The following CNTROB variants were observed in gnomAD, a reference collection of about 807,000 sequenced individuals.
The protein encoded by CNTROB is centrobin.
A neutral mutation model predicts 115.7 loss-of-function variants in CNTROB; 82 were observed. The observed-to-expected ratio is 0.71, with a 90% CI of 0.59 to 0.85. The LOEUF is 0.85. Among genes scored for constraint, CNTROB ranks in the 40% least tolerant of loss-of-function variants. The pLI, the probability that CNTROB is intolerant of heterozygous loss-of-function variation, is 0.00. For missense variants in CNTROB, 1,014 were observed against 1,144.4 expected, an observed-to-expected ratio of 0.89 and a Z score of 1.64; for synonymous variants, 439 against 456.4, an observed-to-expected ratio of 0.96 and a Z score of 0.49.
At position 7,944,194 on chromosome 17, in the gene CNTROB, A is replaced by G; in HGVS notation, c.1517A>G (p.Glu506Gly). 1 of 1,613,466 alleles carries G rather than the reference A, an allele frequency of 6.2e-7. No individual in the cohort carries two copies. Among genetic ancestry groups the G allele is most frequent in the East Asian group, 2.2e-5 (1 of 44,862 alleles). ...LASQLAQFKV[E>G]MAEREERQQQ... ...AGTCAGCTAGCTCAGTTCAAGGTGG[A>G]AATGGCAGAACGAGAGGAACGGCAA... Residue 506 changes from glutamate to glycine, a missense_variant, in exon 11 of 19, where the codon GAA (glutamate) becomes GGA (glycine). Coordinates refer to ENST00000563694, the MANE Select transcript of CNTROB (RefSeq NM_053051.5). This position sits in a 1 kb window ranked among gnomAD's most constrained non-coding sequence, Gnocchi z 4.0.
chr17:7,937,370 C>A, intron 7 of CNTROB, 108 bp downstream of exon 7: 1 of 1,282,098 alleles, frequency 7.8e-7, no homozygotes. Context: ...TGCACCAGAG[C>A]ACTGTTTCCC....
chr17:7,934,514 C>T lies in CNTROB; in HGVS notation c.405C>T (p.Ser135=), dbSNP rs138373791. 1.3e-4 allele frequency: 216 copies of T among 1,614,062 alleles called. No homozygotes were observed. Among genetic ancestry groups the T allele is most frequent in the Non-Finnish European group, 1.8e-4 (211 of 1,180,020 alleles). ...GAGSERREED[S]FDSDSTATLL... is the part of the protein sequence containing the mutation. Reference sequence around the variant, plus strand: ...GCTCAGAGAGACGGGAAGAGGACTCCTTTGACAGTGATAGCACAGCCACCT... The same window carrying T: ...GCTCAGAGAGACGGGAAGAGGACTCTTTTGACAGTGATAGCACAGCCACCT... The change falls in exon 3 of 19, where the codon TCC becomes TCT. Residue 135 remains serine, a synonymous_variant. Coordinates refer to ENST00000563694, the MANE Select transcript of CNTROB (RefSeq NM_053051.5).
rs1188176455 is a variant in CNTROB at position 7,943,546 on chromosome 17, T to G, written c.1445+22T>G. The G allele has an allele frequency of 6.2e-7, 1 of 1,600,872 alleles. No individual in the cohort carries two copies. The highest frequency in any genetic ancestry group is 1.7e-5 in the Admixed American group (1 of 59,280). Reference sequence around the variant, plus strand: ...ACAGGTACGTGGGACTCACTGGGTGTCACTTCTCTCAGCCACAGCACGTAT... The same window carrying G: ...ACAGGTACGTGGGACTCACTGGGTGGCACTTCTCTCAGCCACAGCACGTAT... On this transcript the variant is annotated intron_variant, in intron 10 of 18. Transcript: ENST00000563694. This position sits in a 1 kb window ranked among gnomAD's most constrained non-coding sequence, Gnocchi z 4.7.
chr17:7,948,638 G>C lies in CNTROB; in HGVS notation c.2513+19G>C. The C allele has an allele frequency of 6.2e-7, 1 of 1,614,192 alleles. No individual in the cohort carries two copies. The highest frequency in any genetic ancestry group is 8.5e-7 in the Non-Finnish European group (1 of 1,180,038). On this transcript the variant is annotated intron_variant, in intron 17 of 18. Coordinates refer to ENST00000563694, the MANE Select transcript of CNTROB (RefSeq NM_053051.5). This position sits in a 1 kb window ranked among gnomAD's most constrained non-coding sequence, Gnocchi z 4.4. ...ACAGCGGGTACAAGCCTGGGAGGAA[G>C]GAGGAAGGATTCTCCGGGTGGAAGC... is the stretch of plus-strand genomic sequence containing the variant.
At chr17:7,949,207 C>A in intron 18 of CNTROB, 50 bp downstream of exon 18, 1 of 1,581,672 alleles carries the variant, frequency 6.3e-7, no homozygotes, top group Non-Finnish European at 8.7e-7. Flanking sequence ...TCTCACTGAC[C>A]AGCTCCTTCA....
chr17:7,933,308 C>T lies in CNTROB; in HGVS notation c.229C>T (p.Arg77Ter). The change falls in exon 1 of 19, where the codon CGA becomes TGA. Residue 77 changes from arginine (R) to a stop codon, truncating the protein, a stop_gained. Coordinates refer to ENST00000563694, the MANE Select transcript of CNTROB (RefSeq NM_053051.5). LOFTEE classifies it high-confidence loss of function. ...AGACGGCTTCGCCCAAGAATTGAGT[C>T]GAAGCTTGTCAGTCGGATTGGAAAA... ...GLDGFAQELS[R>*]SLSVGLEKNL... The T allele has an allele frequency of 1.9e-6, 3 of 1,614,008 alleles. No homozygotes were observed. Among genetic ancestry groups the T allele is most frequent in the African/African-American group, 2.7e-5 (2 of 75,020 alleles).
At chr17:7,941,985 G>T (rs1973936593) in intron 9 of CNTROB, among the ~76,000 whole-genome samples, 1 of 143,034 alleles carries the variant, frequency 7.0e-6, no homozygotes, top group Non-Finnish European at 1.5e-5. Flanking sequence ...AGACAGAAAG[G>T]GCCAGGTGTG....
chr17:7,936,574 A>C lies in CNTROB; in HGVS notation c.711+92A>C, dbSNP rs554724484. The stretch of plus-strand genomic sequence containing the variant: ...GTGGCCAACCAATGTTTCTTGGTAC[A>C]TGCTGAGAGCTGGGCAAGGGGTTGG... On this transcript the variant is annotated intron_variant, in intron 5 of 18. Coordinates refer to ENST00000563694, the MANE Select transcript of CNTROB (RefSeq NM_053051.5). 13 of 795,734 alleles carry C rather than the reference A, an allele frequency of 1.6e-5. No individual in the cohort carries two copies. The African/African-American group carries it at 2.0e-4, about 12-fold the overall frequency. 49.3% of individuals were successfully genotyped at this position (795,734 alleles called of 1,614,324 possible). A position where few individuals can be genotyped will look rare whatever the true frequency, so the allele number is the denominator to read the frequency against.
Position 7,949,547 on chromosome 17 carries a change from T to C in CNTROB, c.*37T>C. The stretch of plus-strand genomic sequence containing the variant: ...CTCTCTCCTCTTTGTTCTCTCATTG[T>C]TGTTATTTTAATAAATGCTCATTAG... On this transcript the variant is annotated 3_prime_UTR_variant, in exon 19 of 19. Coordinates refer to ENST00000563694, the MANE Select transcript of CNTROB (RefSeq NM_053051.5). 1 of 1,562,124 alleles carries C rather than the reference T, an allele frequency of 6.4e-7. No homozygotes were observed. Among genetic ancestry groups the C allele is most frequent in the Non-Finnish European group, 8.7e-7 (1 of 1,154,608 alleles).
chr17:7,935,425 C>T lies in CNTROB; in HGVS notation c.594+280C>T, dbSNP rs1973050618. On this transcript the variant is annotated intron_variant, in intron 4 of 18. Coordinates refer to ENST00000563694, the MANE Select transcript of CNTROB (RefSeq NM_053051.5). ...GCTGAGGCAGGAGAATGGCGTGAAC[C>T]TGGGAGGCGGAGCTTGCAGTGAGCC... Among the ~76,000 whole-genome samples the T allele has an allele frequency of 3.9e-5, 6 of 152,054 alleles. No homozygotes were observed. In the South Asian group the frequency reaches 1.2e-3, roughly 32 times the overall value.
rs1974113577 is a variant in CNTROB at position 7,943,106 on chromosome 17, G to A, written c.1312-285G>A. 6.6e-6 allele frequency among the ~76,000 whole-genome samples: 1 copy of A among 152,076 alleles called. No homozygotes were observed. Among genetic ancestry groups the A allele is most frequent in the Non-Finnish European group, 1.5e-5 (1 of 68,008 alleles). ...GTGAGCCACCGCGCCCAGCCTCAGG[G>A]TATGTTATATCAGACACGTAGAATG... On this transcript the variant is annotated intron_variant, in intron 9 of 18. Transcript: ENST00000563694. This position sits in a 1 kb window ranked among gnomAD's most constrained non-coding sequence, Gnocchi z 4.7.
chr17:7,942,771 G>A (rs1208148697), intron 9 of CNTROB, among the ~76,000 whole-genome samples: 1 of 141,960 alleles, frequency 7.0e-6, no homozygotes, highest in Non-Finnish European at 1.5e-5. Context: ...TGGCTTTCAG[G>A]TACTCTACTC....
intron 18 of CNTROB, 92 bp downstream of exon 18, chr17:7,949,249 C>A: frequency 6.4e-7 from 1 of 1,565,848 alleles, no homozygotes; most frequent in Non-Finnish European, 8.8e-7. Flanking sequence ...CCCCTCCATT[C>A]CACCCCTGCA....
rs1567938077 is a variant in CNTROB, at chr17:7,947,653, CG to C, written c.2080del (p.Glu694ArgfsTer4). 1 of 1,613,912 alleles carries C rather than the reference CG, an allele frequency of 6.2e-7. No homozygotes were observed. The highest frequency in any genetic ancestry group is 1.7e-5 in the Admixed American group (1 of 60,018). Reference protein sequence around the residue: ...PFPEEDPGPDGEGLLKQGLPP... With the variant: ...PFPEEDPGPDXEGLLKQGLPP... ...TCCCTGAGGAAGATCCTGGACCTGA[CG>C]GGGAGGGCCTCCTAAAGCAAGGGCT... On this transcript the variant is annotated frameshift_variant, in exon 14 of 19. Transcript: ENST00000563694. LOFTEE classifies it high-confidence loss of function.
intron 7 of CNTROB, 112 bp downstream of exon 7, chr17:7,937,374 G>A (rs1377681692): frequency 2.4e-6 from 3 of 1,237,756 alleles, no homozygotes; most frequent in Non-Finnish European, 3.5e-6. Flanking sequence ...CCAGAGCACT[G>A]TTTCCCAAAG....
chr17:7,945,327 A>G (rs1974395034), intron 12 of CNTROB: 1 of 152,374 alleles, frequency 6.6e-6, no homozygotes, highest in Non-Finnish European at 1.5e-5. Context: ...CAACATAGTG[A>G]GACCTCATCT....
rs2151766267 is a variant in CNTROB, at chr17:7,943,841, C to G, written c.1446-282C>G. On this transcript the variant is annotated intron_variant, in intron 10 of 18. Coordinates refer to ENST00000563694, the MANE Select transcript of CNTROB (RefSeq NM_053051.5). The surrounding 1 kb of genome is among the most constrained non-coding windows in gnomAD (Gnocchi z 4.7). The stretch of plus-strand genomic sequence containing the variant: ...GACCTGTGCTGTCTCCAGAGCTGCT[C>G]TGTCGGACTGAGCCTCCTCGCAGCC... Among the ~76,000 whole-genome samples, 1 of 152,360 alleles carries G rather than the reference C, an allele frequency of 6.6e-6. No homozygotes were observed. Among genetic ancestry groups the G allele is most frequent in the East Asian group, 1.9e-4 (1 of 5,194 alleles).
chr17:7,933,562 G>A (rs551034131), intron 1 of CNTROB, among the ~76,000 whole-genome samples: 2 of 152,136 alleles, frequency 1.3e-5, no homozygotes, highest in Non-Finnish European at 2.9e-5. Context: ...GTGTTTTTTT[G>A]TGAGAGACAT....
Position 7,943,305 on chromosome 17 carries a change from G to A in CNTROB, c.1312-86G>A, listed in dbSNP as rs1322562854. ...TTCATCTCATATGAGGGGAAAGTTG[G>A]TACTGGATTTTGTCTACATTATATC... On this transcript the variant is annotated intron_variant, in intron 9 of 18. Transcript: ENST00000563694. This position sits in a 1 kb window ranked among gnomAD's most constrained non-coding sequence, Gnocchi z 4.7. 3.1e-6 allele frequency: 3 copies of A among 958,232 alleles called. No homozygotes were observed. The highest frequency in any genetic ancestry group is 3.3e-5 in the African/African-American group (2 of 60,738). 59.4% of individuals were successfully genotyped at this position (958,232 alleles called of 1,614,324 possible).
Sources: allele counts gnomAD v4.1 joint callset (sites outside exome capture counted in the v4.1 genomes callset), GRCh38; gene constraint gnomAD v4.1.1; non-coding constraint Gnocchi (gnomAD v3.1); transcripts MANE v1.5; gene names NCBI Gene and HGNC (gene_info 2026-07-23, HGNC 2026-07-21).